Variants in ATP2A2 observed in about 807,000 individuals in gnomAD.
ATP2A2 encodes the protein sarcoplasmic/endoplasmic reticulum calcium ATPase 2.
In ATP2A2, 14 loss-of-function variants were observed where a neutral mutation model predicts 109.3. That is an observed-to-expected ratio of 0.13 (90% CI 0.08 to 0.20). The LOEUF is 0.20. Ranked by LOEUF, ATP2A2 falls within the 10% of genes least tolerant of loss-of-function variation. ATP2A2 has a pLI of 1.00. For synonymous variants in ATP2A2, 506 were observed against 490.9 expected (o/e 1.03, Z -0.41); for missense variants, 657 against 1,321.6 (o/e 0.50, Z 7.80).
chr12:110,282,657 T>C lies in ATP2A2; in HGVS notation c.136+36T>C, dbSNP rs769496904. On this transcript the variant is annotated intron_variant, in intron 2 of 19. Coordinates refer to ENST00000539276, the MANE Select transcript of ATP2A2 (RefSeq NM_170665.4). ...CATGCTGTTTCTGTTTTTTTTCCTC[T>C]GTTGGTGTGCTGATGGTAAGATGAC... 5 of 1,613,922 alleles carry C rather than the reference T, an allele frequency of 3.1e-6. No homozygotes were observed. The South Asian group carries it at 3.3e-5, about 11-fold the overall frequency.
At chr12:110,316,473 G>A (rs1459087263) in intron 5 of ATP2A2, among the ~76,000 whole-genome samples, 1 of 152,150 alleles carries the variant, frequency 6.6e-6, no homozygotes, top group African/African-American at 2.4e-5. Flanking sequence ...TTCTAGCTTC[G>A]TGATGTTCTT....
rs758519197 is a variant in ATP2A2 at position 110,350,306 on chromosome 12, C to G, written c.*3836C>G. On this transcript the variant is annotated 3_prime_UTR_variant, in exon 20 of 20. Transcript: ENST00000539276. ...TTCCTTTTCAGCAATACTGGAGTAA[C>G]CGCTTCCTAAACCATTTTGCAGAAA... The G allele has an allele frequency of 6.2e-7, 1 of 1,614,180 alleles. No homozygotes were observed. The highest frequency in any genetic ancestry group is 8.5e-7 in the Non-Finnish European group (1 of 1,180,038).
Position 110,348,870 on chromosome 12 carries a change from CA to C in ATP2A2, c.*2402del. 1.0e-6 allele frequency: 1 copy of C among 985,454 alleles called. No individual in the cohort carries two copies. 61.0% of individuals were successfully genotyped at this position (985,454 alleles called of 1,614,324 possible). On this transcript the variant is annotated 3_prime_UTR_variant, in exon 20 of 20. Coordinates refer to ENST00000539276, the MANE Select transcript of ATP2A2 (RefSeq NM_170665.4). ...AGAAATGGGTTGAATGGGCCAAATG[CA>C]AGGAGTGCATCTCTGGGCTGCAAAC...
chr12:110,340,564 A>T lies in ATP2A2; in HGVS notation c.1762-95A>T. On this transcript the variant is annotated intron_variant, in intron 13 of 19. Coordinates refer to ENST00000539276, the MANE Select transcript of ATP2A2 (RefSeq NM_170665.4). This position sits in a 1 kb window ranked among gnomAD's most constrained non-coding sequence, Gnocchi z 6.0. ...AAAAAAAAAAAAAGAAAAAAAATGC[A>T]GAAACCTGTCTCAATGTTTAACTGG... 7.4e-7 allele frequency: 1 copy of T among 1,353,560 alleles called. No homozygotes were observed. Among genetic ancestry groups the T allele is most frequent in the Non-Finnish European group, 1.0e-6 (1 of 970,458 alleles). 83.8% of individuals were successfully genotyped at this position (1,353,560 alleles called of 1,614,324 possible). A position where few individuals can be genotyped will look rare whatever the true frequency, so the allele number is the denominator to read the frequency against.
At position 110,292,023 on chromosome 12, in the gene ATP2A2, T is replaced by C; in HGVS notation, c.223T>C (p.Leu75=). ...LLLAACISFV[L]AWFEEGEETI... The stretch of plus-strand genomic sequence containing the variant: ...TAACGTGCCATTTCTCTTCTAGGTT[T>C]TGGCTTGGTTTGAAGAAGGTGAAGA... The change falls in exon 4 of 20, where the codon TTG becomes CTG. Residue 75 remains leucine (L), a synonymous_variant. Coordinates refer to ENST00000539276, the MANE Select transcript of ATP2A2 (RefSeq NM_170665.4). The C allele has an allele frequency of 5.0e-6, 8 of 1,613,816 alleles. No homozygotes were observed. The highest frequency in any genetic ancestry group is 6.8e-6 in the Non-Finnish European group (8 of 1,179,698).
chr12:110,326,209 G>T, intron 6 of ATP2A2, 181 bp from the exon 7 acceptor site: 7 of 636,980 alleles, frequency 1.1e-5, no homozygotes, highest in South Asian at 8.6e-5. Context: ...CTTTGTTCTG[G>T]TATTAATTTC....
At chr12:110,323,211 G>A in intron 6 of ATP2A2, 139 bp downstream of exon 6, 1 of 751,758 alleles carries the variant, frequency 1.3e-6, no homozygotes, top group Admixed American at 2.0e-5. Context: ...TAGTGCTTTA[G>A]TCTCGCTCCA....
intron 5 of ATP2A2, among the ~76,000 whole-genome samples, chr12:110,297,816 C>T (rs1874132807): frequency 6.6e-6 from 1 of 151,976 alleles, no homozygotes; most frequent in Non-Finnish European, 1.5e-5. Flanking sequence ...GGGAGTTTTG[C>T]CATGTTGCTC....
At chr12:110,316,182 T>G (rs1277559890) in intron 5 of ATP2A2, among the ~76,000 whole-genome samples, 1 of 152,262 alleles carries the variant, frequency 6.6e-6, no homozygotes, top group African/African-American at 2.4e-5. Context: ...GGTACCCAGA[T>G]TGAATGCAGT....
chr12:110,307,299 A>T (rs1489890594), intron 5 of ATP2A2, among the ~76,000 whole-genome samples: 2 of 137,982 alleles, frequency 1.4e-5, no homozygotes, highest in Non-Finnish European at 3.0e-5. Context: ...TGGCATGATT[A>T]TAGCTCATTG....
At chr12:110,295,519 A>G (rs1482487405) in intron 4 of ATP2A2, among the ~76,000 whole-genome samples, 1 of 152,192 alleles carries the variant, frequency 6.6e-6, no homozygotes. Context: ...TTTAACCTTG[A>G]GCAGTCCAGT....
At chr12:110,311,609 A>C (rs1022338215) in intron 5 of ATP2A2, among the ~76,000 whole-genome samples, 10 of 149,542 alleles carry the variant, frequency 6.7e-5, no homozygotes, top group Non-Finnish European at 9.0e-5. Context: ...AAAAAAAAAA[A>C]AAAAAAAAAA....
rs763526992 is a variant in ATP2A2 at position 110,346,244 on chromosome 12, T to C, written c.2903T>C (p.Met968Thr). The C allele has an allele frequency of 6.8e-6, 11 of 1,614,180 alleles. No homozygotes were observed. The highest frequency in any genetic ancestry group is 9.3e-6 in the Non-Finnish European group (11 of 1,180,022). ...CCGCTGAACGTGACCCAGTGGCTGA[T>C]GGTGCTGAAAATCTCCTTGCCCGTG... ...ITPLNVTQWL[M>T]VLKISLPVIL... is the part of the protein sequence containing the mutation. Residue 968 changes from methionine (M) to threonine (T), a missense_variant, in exon 20 of 20, where the codon ATG (methionine) becomes ACG (threonine). By Grantham distance (81) the Met-to-Thr change is moderately conservative (BLOSUM62 -1). This residue lies in a region of ATP2A2 where 125 missense variants were observed against 243.5 expected (regional missense o/e 0.51). Coordinates refer to ENST00000539276, the MANE Select transcript of ATP2A2 (RefSeq NM_170665.4).
chr12:110,325,263 T>C (rs1359047459), intron 6 of ATP2A2, among the ~76,000 whole-genome samples: 1 of 152,240 alleles, frequency 6.6e-6, no homozygotes, highest in Non-Finnish European at 1.5e-5. Context: ...TGAAGTTTGC[T>C]ACCTGTAACT....
chr12:110,291,155 G>A (rs1001784898), intron 3 of ATP2A2, among the ~76,000 whole-genome samples: 4 of 151,534 alleles, frequency 2.6e-5, no homozygotes, highest in South Asian at 2.1e-4. Context: ...TGATCCCCCC[G>A]CCTTGGCCTC....
chr12:110,281,169 G>C (rs1872030300), upstream of ATP2A2: 3 of 149,890 alleles, frequency 2.0e-5, no homozygotes, highest in Non-Finnish European at 4.5e-5. Flanking sequence ...CCCGCGCCGC[G>C]CTGGGCGCTC....
At chr12:110,296,886 A>G in intron 5 of ATP2A2, 149 bp downstream of exon 5, 2 of 1,020,368 alleles carry the variant, frequency 2.0e-6, no homozygotes, top group East Asian at 5.3e-5. Flanking sequence ...TACATTCTCT[A>G]AAATTATTTT....
intron 16 of ATP2A2, among the ~76,000 whole-genome samples, chr12:110,344,250 A>C (rs1879630197): frequency 6.6e-6 from 1 of 152,050 alleles, no homozygotes; most frequent in Non-Finnish European, 1.5e-5. Flanking sequence ...GTTGTTTTTG[A>C]TGCTACCACA....
chr12:110,335,827 A>C lies in ATP2A2; in HGVS notation c.1419+1684A>C, dbSNP rs999913261. Among the ~76,000 whole-genome samples, 3 of 152,234 alleles carry C rather than the reference A, an allele frequency of 2.0e-5. No homozygotes were observed. In the South Asian group the frequency reaches 6.2e-4, roughly 31 times the overall value. On this transcript the variant is annotated intron_variant, in intron 11 of 19. Coordinates refer to ENST00000539276, the MANE Select transcript of ATP2A2 (RefSeq NM_170665.4). ...GACGTAAGTCAGGCTCTCAAAGTCT[A>C]TGTCTGGTTCCTGCCCCCACAAACC...
Sources: gnomAD v4.1 joint callset for allele counts (sites outside exome capture counted in the v4.1 genomes callset) on GRCh38, gnomAD v4.1.1 for gene constraint, gnomAD v4.1.1 regional missense constraint, Gnocchi (gnomAD v3.1) non-coding constraint, MANE v1.5 for transcripts, NCBI Gene and HGNC (gene_info 2026-07-23, HGNC 2026-07-21) for gene names.